C12orf56: variants seen among roughly 807,000 people sequenced by gnomAD.
The protein encoded by C12orf56 is uncharacterized protein C12orf56.
A neutral mutation model predicts 69.9 loss-of-function variants in C12orf56; 71 were observed. The observed-to-expected ratio is 1.02, with a 90% CI of 0.84 to 1.24. The LOEUF (loss-of-function observed/expected upper bound fraction) is 1.24, where lower values mean the gene tolerates loss of function less well. C12orf56 is among the 50% of genes most tolerant of loss of function. C12orf56 has a pLI of 0.00. For missense variants in C12orf56, 732 were observed against 738.5 expected (o/e 0.99, Z 0.10); for synonymous variants, 276 against 274.1 (o/e 1.01, Z -0.07).
intron 5 of C12orf56, among the ~76,000 whole-genome samples, chr12:64,307,615 C>T (rs1467440434): frequency 4.6e-5 from 7 of 151,892 alleles, no homozygotes; most frequent in Non-Finnish European, 7.4e-5. Flanking sequence ...ACGATCTGCC[C>T]GCCTCAGCCT....
chr12:64,331,524 T>A (rs2136866175), intron 2 of C12orf56, among the ~76,000 whole-genome samples: 1 of 152,156 alleles, frequency 6.6e-6, no homozygotes, highest in Admixed American at 6.5e-5. Context: ...AAAAATAAAA[T>A]TTAAAAAGTA....
chr12:64,316,558 C>T (rs569038590), intron 4 of C12orf56, among the ~76,000 whole-genome samples: 7 of 151,990 alleles, frequency 4.6e-5, no homozygotes, highest in African/African-American at 1.2e-4. Flanking sequence ...GCTAAGAGAA[C>T]GTTATTTTCA....
intron 1 of C12orf56, among the ~76,000 whole-genome samples, chr12:64,365,963 T>C (rs1344306703): frequency 7.7e-6 from 1 of 130,380 alleles, no homozygotes; most frequent in Non-Finnish European, 1.5e-5. Context: ...TTGTATATAG[T>C]GTATATAATA....
At chr12:64,270,804 G>GA in intron 11 of C12orf56, 90 bp from the exon 12 acceptor site, 2 of 1,093,328 alleles carry the variant, frequency 1.8e-6, no homozygotes, top group South Asian at 1.5e-5. Flanking sequence ...AATCTAGACT[G>GA]AGGCCCTCAC....
intron 1 of C12orf56, among the ~76,000 whole-genome samples, chr12:64,353,982 A>T (rs2039270053): frequency 6.6e-6 from 1 of 152,218 alleles, no homozygotes; most frequent in African/African-American, 2.4e-5. Context: ...TGCCTGGTCC[A>T]CTTCCATTTT....
intron 2 of C12orf56, among the ~76,000 whole-genome samples, chr12:64,335,229 C>A (rs1404894214): frequency 6.6e-6 from 1 of 151,950 alleles, no homozygotes; most frequent in Non-Finnish European, 1.5e-5. Context: ...CCAGCCTGGC[C>A]AACATAGAGA....
Position 64,270,691 on chromosome 12 carries a change from C to T in C12orf56, c.1608G>A (p.Val536=). Reference sequence around the variant, plus strand: ...CTGAAAGACCCCTCACCACTTGTTTCACAATACTGGCCACAAAAGTAATCT... The same window carrying T: ...CTGAAAGACCCCTCACCACTTGTTTTACAATACTGGCCACAAAAGTAATCT... ...PPIITFVASI[V]KQVVRGLSAS... Residue 536 remains valine, a synonymous_variant, in exon 12 of 13, where the codon GTG becomes GTA. Coordinates refer to ENST00000543942, the MANE Select transcript of C12orf56 (RefSeq NM_001170633.2). 1 of 1,610,834 alleles carries T rather than the reference C, an allele frequency of 6.2e-7. No individual in the cohort carries two copies. The highest frequency in any genetic ancestry group is 8.5e-7 in the Non-Finnish European group (1 of 1,178,972).
intron 1 of C12orf56, among the ~76,000 whole-genome samples, chr12:64,357,862 T>C (rs1044064867): frequency 1.1e-4 from 17 of 151,614 alleles, no homozygotes; most frequent in Admixed American, 1.3e-4. Flanking sequence ...ACTGCTCCAC[T>C]GCTCTCCAGC....
In C12orf56 at chr12:64,269,607, GA is replaced by G. The variant is rs2037955930; in HGVS notation, c.1763+928del. Among the ~76,000 whole-genome samples the G allele has an allele frequency of 3.2e-5, 4 of 126,608 alleles. No individual in the cohort carries two copies. The South Asian group carries it at 1.0e-3, about 33-fold the overall frequency. 83.1% of individuals were successfully genotyped at this position (126,608 alleles called of 152,430 possible). On this transcript the variant is annotated intron_variant, in intron 12 of 12. Transcript: ENST00000543942. ...AGTTTATTTACACTTTTTTTTTTTT[GA>G]GGCGGAATATCCCTCCGTTGCCCAG...
rs1174079985 is a variant in C12orf56, at chr12:64,361,445, A to G, written c.253-8389T>C. Among the ~76,000 whole-genome samples, 3 of 152,254 alleles carry G rather than the reference A, an allele frequency of 2.0e-5. No homozygotes were observed. The East Asian group carries it at 5.8e-4, about 29-fold the overall frequency. On this transcript the variant is annotated intron_variant, in intron 1 of 12. Transcript: ENST00000543942. ...GCTCAGCACAAGATACAGGTCATAAAGACCTTGCTGATAAAACAGCTTGCA... is the reference window on the plus strand; with the variant it reads ...GCTCAGCACAAGATACAGGTCATAAGGACCTTGCTGATAAAACAGCTTGCA...
chr12:64,336,389 A>T (rs2038996900), intron 2 of C12orf56, among the ~76,000 whole-genome samples: 1 of 152,186 alleles, frequency 6.6e-6, no homozygotes, highest in Non-Finnish European at 1.5e-5. Context: ...TCACTTGCAA[A>T]GTTTCTAGGA....
chr12:64,270,794 A>G, intron 11 of C12orf56, 80 bp from the exon 12 acceptor site: 1 of 1,226,522 alleles, frequency 8.2e-7, no homozygotes, highest in Non-Finnish European at 1.1e-6. Flanking sequence ...TTCAACTACA[A>G]ATCTAGACTG....
At chr12:64,378,118 TA>T (rs2039665377) in intron 1 of C12orf56, among the ~76,000 whole-genome samples, 1 of 152,250 alleles carries the variant, frequency 6.6e-6, no homozygotes, top group Non-Finnish European at 1.5e-5. Flanking sequence ...AAGCACTCAA[TA>T]AATGTCAACT....
intron 12 of C12orf56, among the ~76,000 whole-genome samples, chr12:64,269,388 G>A (rs1364633048): frequency 6.6e-6 from 1 of 152,148 alleles, no homozygotes; most frequent in Non-Finnish European, 1.5e-5. Context: ...CCCCTGAGGT[G>A]CAGGAGAACA....
At chr12:64,364,335 G>C (rs925166217) in intron 1 of C12orf56, among the ~76,000 whole-genome samples, 7 of 152,048 alleles carry the variant, frequency 4.6e-5, no homozygotes, top group African/African-American at 1.7e-4. Flanking sequence ...AAGTGTTTTT[G>C]CATGTCTGAA....
intron 3 of C12orf56, among the ~76,000 whole-genome samples, chr12:64,322,991 T>C (rs1282514279): frequency 3.3e-5 from 5 of 152,216 alleles, no homozygotes; most frequent in Non-Finnish European, 7.3e-5. Flanking sequence ...CAGTGTGTCA[T>C]TTATTCAAGC....
chr12:64,271,310 C>A lies in C12orf56; in HGVS notation c.1585-596G>T, dbSNP rs575022463. Reference sequence around the variant, plus strand: ...CAAAACCCCATCTCTACTAAAAATACAAAAATTTGCCAGGCATGGTGTCAC... The same window carrying A: ...CAAAACCCCATCTCTACTAAAAATAAAAAAATTTGCCAGGCATGGTGTCAC... On this transcript the variant is annotated intron_variant, in intron 11 of 12. Coordinates refer to ENST00000543942, the MANE Select transcript of C12orf56 (RefSeq NM_001170633.2). Among the ~76,000 whole-genome samples, 5 of 152,058 alleles carry A rather than the reference C, an allele frequency of 3.3e-5. No individual in the cohort carries two copies. The East Asian group carries it at 9.7e-4, about 29-fold the overall frequency.
rs193019400 is a variant in C12orf56 at position 64,315,856 on chromosome 12, G to A, written c.894+2719C>T. On this transcript the variant is annotated intron_variant, in intron 4 of 12. Coordinates refer to ENST00000543942, the MANE Select transcript of C12orf56 (RefSeq NM_001170633.2). ...TGAGGCAGGAGAATCAATTGAACCC[G>A]GGAGGCAGAGGTTGCAGTGAGCCAA... Among the ~76,000 whole-genome samples, 576 of 151,672 alleles carry A rather than the reference G, an allele frequency of 3.8e-3. 5 individuals are homozygous for A. Among genetic ancestry groups the A allele is most frequent in the African/African-American group, 0.013 (526 of 41,392 alleles).
intron 3 of C12orf56, 123 bp downstream of exon 3, chr12:64,330,837 A>C (rs2038920318): frequency 1.4e-6 from 1 of 697,878 alleles, no homozygotes; most frequent in Admixed American, 3.3e-5. Context: ...CTTATTGCAT[A>C]TGTAAGATTA....
Sources: gnomAD v4.1 joint callset for allele counts (sites outside exome capture counted in the v4.1 genomes callset) on GRCh38, gnomAD v4.1.1 for gene constraint, MANE v1.5 for transcripts, NCBI Gene and HGNC (gene_info 2026-07-23, HGNC 2026-07-21) for gene names.